The following EPHB1 variants were observed in gnomAD, a reference collection of about 807,000 sequenced individuals.
EPHB1 encodes the protein EPH receptor B1.
EPHB1 carries 30 observed loss-of-function variants against 94.4 expected under a neutral mutation model. That is an observed-to-expected ratio of 0.32 (90% CI 0.24 to 0.43). EPHB1 has a LOEUF of 0.43. Ranked by LOEUF, EPHB1 falls within the 20% of genes least tolerant of loss-of-function variation. The pLI is 1.00. For synonymous variants in EPHB1, 522 were observed against 489.1 expected, an observed-to-expected ratio of 1.07 and a Z score of -0.89; for missense variants, 1,055 against 1,308.3, an observed-to-expected ratio of 0.81 and a Z score of 2.99.
At chr3:135,114,048 G>A (rs921427502) in intron 4 of EPHB1, among the ~76,000 whole-genome samples, 1 of 152,162 alleles carries the variant, frequency 6.6e-6, no homozygotes, top group Non-Finnish European at 1.5e-5. Context: ...CACCACATGT[G>A]GCAGCCACTA....
At chr3:135,077,454 C>T (rs935869393) in intron 3 of EPHB1, among the ~76,000 whole-genome samples, 2 of 152,232 alleles carry the variant, frequency 1.3e-5, no homozygotes, top group South Asian at 4.1e-4. Flanking sequence ...GTCCCTCTCA[C>T]CCACTCTGTT....
chr3:135,006,958 C>A (rs1248951473), intron 3 of EPHB1, among the ~76,000 whole-genome samples: 2 of 152,156 alleles, frequency 1.3e-5, no homozygotes, highest in African/African-American at 2.4e-5. Context: ...ATTTAACTTG[C>A]ATTTCTCTTC....
In EPHB1 at chr3:135,165,965, T is replaced by C; in HGVS notation, c.1586-3T>C. 1.2e-6 allele frequency: 2 copies of C among 1,613,232 alleles called. No homozygotes were observed. The highest frequency in any genetic ancestry group is 1.1e-5 in the South Asian group (1 of 91,066). On this transcript the variant is annotated splice_polypyrimidine_tract_variant and splice_region_variant and intron_variant, in intron 7 of 15. Transcript: ENST00000398015. ...AGGATTCTAATGCCTCTTTCTCACC[T>C]AGATGATTACAAGTCAGAGCTGAGG...
At chr3:135,203,341 C>T (rs769679614) in intron 12 of EPHB1, among the ~76,000 whole-genome samples, 1 of 152,052 alleles carries the variant, frequency 6.6e-6, no homozygotes, top group Non-Finnish European at 1.5e-5. Flanking sequence ...TGCAACAAAC[C>T]ACCAGGGCAC....
At chr3:135,116,538 G>T (rs1939721826) in intron 4 of EPHB1, among the ~76,000 whole-genome samples, 1 of 152,140 alleles carries the variant, frequency 6.6e-6, no homozygotes, top group Non-Finnish European at 1.5e-5. Context: ...CTCACTCCTA[G>T]ACCTCTTGCC....
intron 12 of EPHB1, among the ~76,000 whole-genome samples, chr3:135,217,157 GC>G (rs1365994991): frequency 2.6e-5 from 4 of 152,076 alleles, no homozygotes; most frequent in Non-Finnish European, 4.4e-5. Context: ...GCCACAAACA[GC>G]CCGAGACCTT....
intron 3 of EPHB1, among the ~76,000 whole-genome samples, chr3:135,039,530 G>A (rs919625334): frequency 4.6e-5 from 7 of 152,240 alleles, no homozygotes; most frequent in Non-Finnish European, 8.8e-5. Flanking sequence ...CGGAGTGGGT[G>A]GGAGGCTCAG....
In EPHB1 at chr3:135,201,709, C is replaced by A. The variant is rs2107713225; in HGVS notation, c.2346+20C>A. 2 of 1,608,672 alleles carry A rather than the reference C, an allele frequency of 1.2e-6. No homozygotes were observed. Among genetic ancestry groups the A allele is most frequent in the East Asian group, 4.5e-5 (2 of 44,708 alleles). ...TCCTTGGTGAGTCCTTCTTGGCATT[C>A]TCAAGTAGAAGCATGGCATGAGTTA... On this transcript the variant is annotated intron_variant, in intron 12 of 15. Transcript: ENST00000398015.
At chr3:135,190,555 A>G (rs1196664456) in intron 10 of EPHB1, among the ~76,000 whole-genome samples, 4 of 151,992 alleles carry the variant, frequency 2.6e-5, no homozygotes, top group African/African-American at 9.6e-5. Context: ...ATATATACAT[A>G]CATCCACATA....
At chr3:134,805,847 T>G (rs2036033084) in intron 1 of EPHB1, among the ~76,000 whole-genome samples, 1 of 152,212 alleles carries the variant, frequency 6.6e-6, no homozygotes, top group African/African-American at 2.4e-5. Context: ...GGTTGCCCTC[T>G]GGGTGCCCTC....
intron 15 of EPHB1, among the ~76,000 whole-genome samples, chr3:135,252,473 T>G (rs1296673664): frequency 6.7e-6 from 1 of 148,790 alleles, no homozygotes; most frequent in Non-Finnish European, 1.5e-5. Context: ...GTGTTTGGTT[T>G]TTTGTTCTCC....
At chr3:134,806,508 C>T (rs534846345) in intron 1 of EPHB1, among the ~76,000 whole-genome samples, 1 of 152,148 alleles carries the variant, frequency 6.6e-6, no homozygotes, top group South Asian at 2.1e-4. Context: ...GTAGGGAGAG[C>T]CAAGCTTTCC....
At chr3:135,025,298 T>C (rs1027985148) in intron 3 of EPHB1, among the ~76,000 whole-genome samples, 45 of 134,922 alleles carry the variant, frequency 3.3e-4, no homozygotes, top group African/African-American at 1.1e-3. Flanking sequence ...GCCATGCTGG[T>C]GTGCTGCACC....
chr3:135,041,797 A>T (rs1576339730), intron 3 of EPHB1, among the ~76,000 whole-genome samples: 1 of 152,132 alleles, frequency 6.6e-6, no homozygotes. Context: ...GAAGTTTAAG[A>T]TTGAGGGCCC....
chr3:135,247,729 A>C (rs1025650259), intron 13 of EPHB1, among the ~76,000 whole-genome samples: 1 of 152,220 alleles, frequency 6.6e-6, no homozygotes, highest in Admixed American at 6.5e-5. Context: ...TTGTTTAACC[A>C]AGCCCATTCA....
At chr3:135,202,001 T>G (rs1942769836) in intron 12 of EPHB1, among the ~76,000 whole-genome samples, 1 of 152,076 alleles carries the variant, frequency 6.6e-6, no homozygotes, top group African/African-American at 2.4e-5. Flanking sequence ...TAGACACTGG[T>G]ACCAGAGGCA....
At chr3:135,251,662 A>AAAG (rs1408903108) in intron 15 of EPHB1, among the ~76,000 whole-genome samples, 5 of 152,346 alleles carry the variant, frequency 3.3e-5, no homozygotes, top group Non-Finnish European at 4.4e-5. Flanking sequence ...ATGCTTCCCT[A>AAAG]AAGTATTTGC....
intron 3 of EPHB1, among the ~76,000 whole-genome samples, chr3:135,082,183 C>G (rs1004125441): frequency 1.3e-5 from 2 of 152,094 alleles, no homozygotes; most frequent in African/African-American, 2.4e-5. Context: ...AGGGGCACCA[C>G]GGACAGACAT....
rs966301293 is a variant in EPHB1 at position 135,258,074 on chromosome 3, G to T, written c.2847-938G>T. On this transcript the variant is annotated intron_variant, in intron 15 of 15. Coordinates refer to ENST00000398015, the MANE Select transcript of EPHB1 (RefSeq NM_004441.5). ...GCAATGCCTCACCCTGCTTCGGCTCGTGCACGCACCCACTGACCTGCACCC... is the reference window on the plus strand; with the variant it reads ...GCAATGCCTCACCCTGCTTCGGCTCTTGCACGCACCCACTGACCTGCACCC... 1.3e-3 allele frequency among the ~76,000 whole-genome samples: 203 copies of T among 152,164 alleles called. 3 individuals are homozygous for T. Among genetic ancestry groups the T allele is most frequent in the Non-Finnish European group, 2.2e-4 (15 of 68,004 alleles).
Sources: gnomAD v4.1 joint callset for allele counts (sites outside exome capture counted in the v4.1 genomes callset) on GRCh38, gnomAD v4.1.1 for gene constraint, MANE v1.5 for transcripts, NCBI Gene and HGNC (gene_info 2026-07-23, HGNC 2026-07-21) for gene names.